Variants in SLC6A17 observed in about 807,000 individuals in gnomAD.
The protein encoded by SLC6A17 is sodium-dependent neutral amino acid transporter SLC6A17.
Under a neutral mutation model 64.5 loss-of-function variants are expected in SLC6A17, and 21 were observed. The observed-to-expected ratio is 0.33, with a 90% confidence interval of 0.23 to 0.47. The LOEUF (loss-of-function observed/expected upper bound fraction) is 0.47. Among genes scored for constraint, SLC6A17 ranks in the 20% least tolerant of loss-of-function variants. The probability of loss-of-function intolerance (pLI) is 1.00; values close to 1 mark genes in which losing one functional copy is unlikely to be tolerated. For synonymous variants in SLC6A17, 372 were observed against 399.5 expected (o/e 0.93, Z 0.82); for missense variants, 682 against 963.2 (o/e 0.71, Z 3.86).
At position 110,174,077 on chromosome 1, in the gene SLC6A17, C is replaced by T. The variant is rs754215924; in HGVS notation, c.549C>T (p.Val183=). The T allele has an allele frequency of 1.4e-5, 23 of 1,613,964 alleles. No individual in the cohort carries two copies. Among genetic ancestry groups the T allele is most frequent in the South Asian group, 4.4e-5 (4 of 91,066 alleles). Residue 183 remains valine, a synonymous_variant, in exon 4 of 12, where the codon GTC becomes GTT. Transcript: ENST00000331565. ...CGCTGCCCTGGAGTGAATGTCCTGT[C>T]GTCAGGAATGGGAGCGTGGCAGGCA... ...QYPLPWSECP[V]VRNGSVAVVE... is the part of the protein sequence containing the mutation.
chr1:110,170,416 A>G (rs554553255), intron 2 of SLC6A17, among the ~76,000 whole-genome samples: 4 of 152,318 alleles, frequency 2.6e-5, no homozygotes, highest in Middle Eastern at 3.4e-3. Context: ...CCCGGGAGGC[A>G]GAGCTTGCAG....
chr1:110,192,714 G>A lies in SLC6A17; in HGVS notation c.1299+16G>A. The A allele has an allele frequency of 6.2e-7, 1 of 1,606,184 alleles. No homozygotes were observed. The highest frequency in any genetic ancestry group is 8.5e-7 in the Non-Finnish European group (1 of 1,175,206). ...GCTGGACAAGGTGCGGGGACAGGCT[G>A]CCCTTCCCAGGACAGGCAGGAACCC... On this transcript the variant is annotated intron_variant, in intron 8 of 11. Coordinates refer to ENST00000331565, the MANE Select transcript of SLC6A17 (RefSeq NM_001010898.4). This position sits in a 1 kb window ranked among gnomAD's most constrained non-coding sequence, Gnocchi z 4.3.
intron 1 of SLC6A17, among the ~76,000 whole-genome samples, chr1:110,158,449 T>C (rs4838931): frequency 0.47 from 71,924 of 152,076 alleles, 17,494 homozygotes; most frequent in Non-Finnish European, 0.53. Context: ...TGGGTGAGTA[T>C]GCCTTGATTC....
intron 6 of SLC6A17, among the ~76,000 whole-genome samples, chr1:110,178,923 G>A (rs967537002): frequency 2.6e-5 from 4 of 152,122 alleles, no homozygotes; most frequent in Non-Finnish European, 4.4e-5. Flanking sequence ...CTGAATTTGG[G>A]ATTTGTCTTG....
Position 110,194,566 on chromosome 1 carries a change from A to G in SLC6A17, c.1300-13A>G. 1 of 1,610,052 alleles carries G rather than the reference A, an allele frequency of 6.2e-7. No homozygotes were observed. Among genetic ancestry groups the G allele is most frequent in the African/African-American group, 1.3e-5 (1 of 74,964 alleles). On this transcript the variant is annotated splice_polypyrimidine_tract_variant and intron_variant, in intron 8 of 11. Coordinates refer to ENST00000331565, the MANE Select transcript of SLC6A17 (RefSeq NM_001010898.4). ...GGTGACCTCACAGGCCCTGCTTTCC[A>G]CCCCACCTTCAGTCCGTGCAGGGCA...
chr1:110,165,329 T>C (rs1322702296), intron 1 of SLC6A17, among the ~76,000 whole-genome samples: 2 of 152,100 alleles, frequency 1.3e-5, no homozygotes, highest in East Asian at 3.9e-4. Context: ...CCTTTTAGGA[T>C]GCAATGGGGT....
chr1:110,154,764 A>G (rs1285094661), intron 1 of SLC6A17, among the ~76,000 whole-genome samples: 2 of 152,156 alleles, frequency 1.3e-5, no homozygotes, highest in Admixed American at 6.5e-5. Context: ...CCACTTGCTG[A>G]TGGGAGCTTG....
rs1392727445 is a variant in SLC6A17, at chr1:110,199,141, C to T, written c.*697C>T. On this transcript the variant is annotated 3_prime_UTR_variant, in exon 12 of 12. Coordinates refer to ENST00000331565, the MANE Select transcript of SLC6A17 (RefSeq NM_001010898.4). ...TCCCTGGGTGGAATCTTCCCATGTC[C>T]TTGGCCCTGCCTGGGGTGTGTGGTG... 1 of 152,796 alleles carries T rather than the reference C, an allele frequency of 6.5e-6. No homozygotes were observed. The highest frequency in any genetic ancestry group is 1.5e-5 in the Non-Finnish European group (1 of 68,526). The allele number at this position is 152,796 out of a possible 1,614,324, so 9.5% of individuals were successfully genotyped here.
intron 2 of SLC6A17, among the ~76,000 whole-genome samples, chr1:110,169,895 C>T (rs969710781): frequency 6.6e-6 from 1 of 152,206 alleles, no homozygotes; most frequent in Admixed American, 6.5e-5. Context: ...ATCTTGACCG[C>T]GGCCCCCTGA....
intron 6 of SLC6A17, among the ~76,000 whole-genome samples, 191 bp downstream of exon 6, chr1:110,176,930 T>C (rs1656392159): frequency 6.6e-6 from 1 of 152,132 alleles, no homozygotes; most frequent in Non-Finnish European, 1.5e-5. Context: ...GAGAGGCGTG[T>C]CACATCGATT....
At chr1:110,179,264 A>G (rs57636463) in intron 6 of SLC6A17, among the ~76,000 whole-genome samples, 3,438 of 152,232 alleles carry the variant, frequency 0.023, 147 homozygotes, top group African/African-American at 0.079. Context: ...TCATGCATAC[A>G]TGTTTCTCTA....
At chr1:110,174,738 G>T in intron 4 of SLC6A17, 41 bp from the exon 5 acceptor site, 1 of 1,601,282 alleles carries the variant, frequency 6.2e-7, no homozygotes, top group Non-Finnish European at 8.5e-7. Flanking sequence ...GACCCCATAG[G>T]CCCTGCCACT....
intron 6 of SLC6A17, among the ~76,000 whole-genome samples, chr1:110,183,497 T>C (rs1449896178): frequency 6.6e-6 from 1 of 152,190 alleles, no homozygotes; most frequent in Non-Finnish European, 1.5e-5. Context: ...GGAATGACTC[T>C]ATGTGTTTGG....
chr1:110,198,502 G>A lies in SLC6A17; in HGVS notation c.*58G>A. 6.5e-7 allele frequency: 1 copy of A among 1,547,796 alleles called. No individual in the cohort carries two copies. Among genetic ancestry groups the A allele is most frequent in the Non-Finnish European group, 8.7e-7 (1 of 1,148,798 alleles). ...ACGCTCAACCTGCCCACTTGTCCAG[G>A]CCTGGCCTCTTTCTTGAGGTGGCCA... On this transcript the variant is annotated 3_prime_UTR_variant, in exon 12 of 12. Transcript: ENST00000331565.
intron 2 of SLC6A17, among the ~76,000 whole-genome samples, chr1:110,168,619 A>G (rs1295195590): frequency 1.3e-5 from 2 of 152,246 alleles, no homozygotes; most frequent in African/African-American, 4.8e-5. Context: ...ATATACAAGT[A>G]TATGGTTTCT....
chr1:110,198,637 C>A lies in SLC6A17; in HGVS notation c.*193C>A, dbSNP rs1038056228. 2.7e-5 allele frequency: 26 copies of A among 971,286 alleles called. No individual in the cohort carries two copies. In the African/African-American group the frequency reaches 3.6e-4, roughly 13 times the overall value. 60.2% of individuals were successfully genotyped at this position (971,286 alleles called of 1,614,324 possible). ...CTAGCCCTGAGCAGGAGGCTGGGAGCAGCTCTGTTTCCTAATTCAGGACCC... is the reference window on the plus strand; with the variant it reads ...CTAGCCCTGAGCAGGAGGCTGGGAGAAGCTCTGTTTCCTAATTCAGGACCC... On this transcript the variant is annotated 3_prime_UTR_variant, in exon 12 of 12. Coordinates refer to ENST00000331565, the MANE Select transcript of SLC6A17 (RefSeq NM_001010898.4).
At chr1:110,165,545 C>A (rs1205101766) in intron 1 of SLC6A17, among the ~76,000 whole-genome samples, 1 of 152,196 alleles carries the variant, frequency 6.6e-6, no homozygotes, top group Non-Finnish European at 1.5e-5. Flanking sequence ...GGTCCAAGAC[C>A]TGGCCTACGG....
intron 1 of SLC6A17, among the ~76,000 whole-genome samples, chr1:110,153,728 CATCATTA>C (rs367932562): frequency 4.3e-4 from 65 of 152,282 alleles, no homozygotes; most frequent in African/African-American, 1.4e-3. Flanking sequence ...CAGGACAATT[CATCATTA>C]ATCCCTTTAA....
At chr1:110,158,347 C>T (rs12073911) in intron 1 of SLC6A17, among the ~76,000 whole-genome samples, 9 of 152,294 alleles carry the variant, frequency 5.9e-5, no homozygotes, top group South Asian at 2.1e-4. Flanking sequence ...GAGTAGAAGT[C>T]GGAGAACTGA....
Sources: allele counts gnomAD v4.1 joint callset (sites outside exome capture counted in the v4.1 genomes callset), GRCh38; gene constraint gnomAD v4.1.1; non-coding constraint Gnocchi (gnomAD v3.1); transcripts MANE v1.5; gene names NCBI Gene and HGNC (gene_info 2026-07-23, HGNC 2026-07-21).